The following SNW1 variants were observed in gnomAD, a reference collection of about 807,000 sequenced individuals.
SNW1 encodes SNW domain containing 1.
Under a neutral mutation model 75.6 loss-of-function variants are expected in SNW1, and 9 were observed. That is an observed-to-expected ratio of 0.12 (90% CI 0.07 to 0.21). SNW1 has a LOEUF of 0.21. SNW1 is among the 10% of genes least tolerant of loss of function. The probability of loss-of-function intolerance (pLI) is 1.00; values close to 1 mark genes in which losing one functional copy is unlikely to be tolerated. For synonymous variants in SNW1, 200 were observed against 219.1 expected (o/e 0.91, Z 0.77); for missense variants, 409 against 670.9 (o/e 0.61, Z 4.31).
intron 5 of SNW1, 22 bp downstream of exon 5, chr14:77,738,756 G>T: frequency 6.4e-7 from 1 of 1,569,396 alleles, no homozygotes; most frequent in Non-Finnish European, 8.8e-7. Context: ...ATGAAACTAA[G>T]TCTTCTAGGC....
At position 77,728,481 on chromosome 14, in the gene SNW1, AAGTC is replaced by A. The variant is rs1566828109; in HGVS notation, c.1033+2503_1033+2506del. Among the ~76,000 whole-genome samples, 4 of 152,262 alleles carry A rather than the reference AAGTC, an allele frequency of 2.6e-5. No homozygotes were observed. The South Asian group carries it at 8.3e-4, about 32-fold the overall frequency. On this transcript the variant is annotated intron_variant, in intron 10 of 13. Transcript: ENST00000261531. ...AAACCAAATAATAATAATAATAAAA[AAGTC>A]AGAAAAAAGGAATTATGCATAATGT...
chr14:77,717,876 G>A lies in SNW1; in HGVS notation c.*212C>T, dbSNP rs2080501608. On this transcript the variant is annotated 3_prime_UTR_variant, in exon 14 of 14. Transcript: ENST00000261531. ...ATGTTCTATAAATGCTGAAAGGTGG[G>A]AGAAGCACAAACACAACCCACTCTT... The A allele has an allele frequency of 1.3e-5, 7 of 549,528 alleles. No individual in the cohort carries two copies. Among genetic ancestry groups the A allele is most frequent in the Non-Finnish European group, 2.2e-5 (7 of 315,672 alleles). 34.0% of individuals were successfully genotyped at this position (549,528 alleles called of 1,614,324 possible). A position where few individuals can be genotyped will look rare whatever the true frequency, so the allele number is the denominator to read the frequency against.
intron 12 of SNW1, among the ~76,000 whole-genome samples, chr14:77,718,960 T>C (rs956660374): frequency 1.3e-5 from 2 of 152,202 alleles, no homozygotes; most frequent in African/African-American, 4.8e-5. Context: ...ATCGCCTGCC[T>C]TGGTCTCACA....
chr14:77,751,419 C>T lies in SNW1; in HGVS notation c.230G>A (p.Gly77Glu). The T allele has an allele frequency of 1.2e-6, 2 of 1,613,780 alleles. No homozygotes were observed. Among genetic ancestry groups the T allele is most frequent in the Non-Finnish European group, 1.7e-6 (2 of 1,179,876 alleles). Reference sequence around the variant, plus strand: ...CGCATTCGACATTTTTTTCTTTCGTCCCATATCCAGTGGATACTGGGCCAC... The same window carrying T: ...CGCATTCGACATTTTTTTCTTTCGTTCCATATCCAGTGGATACTGGGCCAC... ...IHVAQYPLDM[G>E]RKKKMSNALA... Residue 77 changes from glycine (G) to glutamate (E), a missense_variant, in exon 3 of 14, where the codon GGA becomes GAA. Gly to Glu is a moderately conservative substitution (Grantham distance 98). Around this residue, in one of 9 missense-constraint regions of SNW1, gnomAD observed 10 missense variants for 29.4 expected, o/e 0.34. Coordinates refer to ENST00000261531, the MANE Select transcript of SNW1 (RefSeq NM_012245.3).
At chr14:77,736,078 CCT>C in intron 6 of SNW1, 72 bp from the exon 7 acceptor site, 1 of 1,094,914 alleles carries the variant, frequency 9.1e-7, no homozygotes, top group Non-Finnish European at 1.4e-6. Context: ...AGTCTCTCCT[CCT>C]TTTTCTTGCA....
At chr14:77,735,120 C>CCGT (rs2080660237) in intron 7 of SNW1, 108 bp from the exon 8 acceptor site, 1 of 692,268 alleles carries the variant, frequency 1.4e-6, no homozygotes. Flanking sequence ...GACATATGCA[C>CCGT]AGCCGTAGTA....
chr14:77,732,232 G>A (rs897979612), intron 9 of SNW1, among the ~76,000 whole-genome samples: 4 of 152,108 alleles, frequency 2.6e-5, no homozygotes, highest in South Asian at 4.1e-4. Flanking sequence ...CAAAAAATGG[G>A]ATCATCCTAG....
At position 77,720,768 on chromosome 14, in the gene SNW1, A is replaced by G; in HGVS notation, c.1191T>C (p.Pro397=). 1 of 1,614,052 alleles carries G rather than the reference A, an allele frequency of 6.2e-7. No homozygotes were observed. The highest frequency in any genetic ancestry group is 8.5e-7 in the Non-Finnish European group (1 of 1,179,960). Residue 397 remains proline, a synonymous_variant, in exon 12 of 14, where the codon CCT becomes CCC. Transcript: ENST00000261531. The part of the protein sequence containing the change: ...DISEVIALGV[P]NPRTSNEVQY... The stretch of plus-strand genomic sequence containing the variant: ...GAACTTCATTGGAAGTCCGAGGATT[A>G]GGAACACCGAGAGCAATAACTTCAC...
intron 8 of SNW1, chr14:77,733,930 CT>C (rs1307234378): frequency 1.8e-5 from 8 of 446,084 alleles, no homozygotes; most frequent in Non-Finnish European, 3.6e-5. Flanking sequence ...CAAATGTTGA[CT>C]TTTAGTCCAT....
chr14:77,757,919 C>CATCCATCTATCT (rs370811417), intron 1 of SNW1, among the ~76,000 whole-genome samples: 2 of 147,574 alleles, frequency 1.4e-5, no homozygotes, highest in East Asian at 2.0e-4. Context: ...TCAATCTAAT[C>CATCCATCTATCT]ATCTATCTAT....
At chr14:77,750,189 A>G (rs2080796357) in intron 3 of SNW1, among the ~76,000 whole-genome samples, 1 of 152,238 alleles carries the variant, frequency 6.6e-6, no homozygotes. Context: ...CAACAGAACA[A>G]GACCCTGTCT....
chr14:77,747,691 G>A (rs943330708), intron 3 of SNW1, among the ~76,000 whole-genome samples: 48 of 148,962 alleles, frequency 3.2e-4, no homozygotes, highest in Non-Finnish European at 1.5e-4. Context: ...CAGCCGCCCC[G>A]TCCAGGAGGG....
intron 1 of SNW1, among the ~76,000 whole-genome samples, chr14:77,756,685 A>G (rs1294356486): frequency 1.3e-5 from 2 of 152,150 alleles, no homozygotes; most frequent in East Asian, 3.9e-4. Context: ...GGAGATCAAG[A>G]CCGGCCTGAT....
chr14:77,757,214 A>C lies in SNW1; in HGVS notation c.15-2094T>G, dbSNP rs149468879. Among the ~76,000 whole-genome samples the C allele has an allele frequency of 5.3e-3, 773 of 147,218 alleles. 5 individuals carry two copies. Among genetic ancestry groups the C allele is most frequent in the Non-Finnish European group, 7.4e-3 (487 of 65,736 alleles). On this transcript the variant is annotated intron_variant, in intron 1 of 13. Transcript: ENST00000261531. ...ATGGAGAAAGACAGCTTAGTCTTGCAGACAGAGACCAAAAAAAAAAAAATC... is the reference window on the plus strand; with the variant it reads ...ATGGAGAAAGACAGCTTAGTCTTGCCGACAGAGACCAAAAAAAAAAAAATC...
chr14:77,743,044 G>A (rs904946784), intron 3 of SNW1, among the ~76,000 whole-genome samples: 2 of 151,608 alleles, frequency 1.3e-5, no homozygotes, highest in African/African-American at 2.4e-5. Context: ...TGACCAACAC[G>A]GAGAAACACT....
chr14:77,722,888 A>G (rs2080554079), intron 11 of SNW1: 1 of 369,136 alleles, frequency 2.7e-6, no homozygotes, highest in African/African-American at 2.6e-5. Flanking sequence ...TCTGTCGCCC[A>G]GGCTGGAATG....
chr14:77,725,750 T>C (rs1295591396), intron 10 of SNW1, among the ~76,000 whole-genome samples: 1 of 152,080 alleles, frequency 6.6e-6, no homozygotes, highest in African/African-American at 2.4e-5. Context: ...AAACCCTGTC[T>C]CTAAAATAAC....
Position 77,746,459 on chromosome 14 carries a change from G to A in SNW1, c.330+4860C>T, listed in dbSNP as rs556527915. ...GAGAATAAATAGATGGAAGGTCTGA[G>A]GGAAACAAGAACTAGAATAATTGCT... On this transcript the variant is annotated intron_variant, in intron 3 of 13. Transcript: ENST00000261531. Among the ~76,000 whole-genome samples the A allele has an allele frequency of 2.9e-3, 445 of 152,312 alleles. 1 individual carries two copies. Among genetic ancestry groups the A allele is most frequent in the Non-Finnish European group, 5.2e-3 (353 of 68,034 alleles).
At chr14:77,742,413 C>T (rs4899674) in intron 3 of SNW1, among the ~76,000 whole-genome samples, 98,549 of 151,950 alleles carry the variant, frequency 0.65, 32,335 homozygotes, top group South Asian at 0.72. Flanking sequence ...GGCTGGGGAG[C>T]GTTTTCTGAA....
Sources: allele counts gnomAD v4.1 joint callset (sites outside exome capture counted in the v4.1 genomes callset), GRCh38; gene constraint gnomAD v4.1.1; regional missense constraint gnomAD v4.1.1; transcripts MANE v1.5; gene names NCBI Gene and HGNC (gene_info 2026-07-23, HGNC 2026-07-21).